ITGA8: variants seen among roughly 807,000 people sequenced by gnomAD.
ITGA8 encodes integrin alpha-8.
ITGA8 carries 91 observed loss-of-function variants against 142.3 expected under a neutral mutation model. That is an observed-to-expected ratio of 0.64 (90% CI 0.54 to 0.76). ITGA8 has a LOEUF of 0.76. ITGA8 is among the 30% of genes least tolerant of loss of function. The pLI is 0.00. For synonymous variants in ITGA8, 505 were observed against 485.2 expected (o/e 1.04, Z -0.54); for missense variants, 1,406 against 1,327.7 (o/e 1.06, Z -0.92).
intron 27 of ITGA8, among the ~76,000 whole-genome samples, chr10:15,533,073 A>C (rs1289203485): frequency 6.6e-6 from 1 of 152,148 alleles, no homozygotes; most frequent in Non-Finnish European, 1.5e-5. Flanking sequence ...AGTTAGTAAA[A>C]ATCTACCAGT....
intron 27 of ITGA8, among the ~76,000 whole-genome samples, chr10:15,532,047 G>C (rs113144097): frequency 1.2e-5 from 1 of 81,838 alleles, no homozygotes; most frequent in Non-Finnish European, 2.4e-5. Context: ...GGGTGGGGGT[G>C]GGGGGGCCTG....
At chr10:15,540,267 A>C (rs1833542558) in intron 27 of ITGA8, among the ~76,000 whole-genome samples, 1 of 152,120 alleles carries the variant, frequency 6.6e-6, no homozygotes, top group Non-Finnish European at 1.5e-5. Context: ...TGTACCCTTT[A>C]ACCAACCTCT....
intron 27 of ITGA8, among the ~76,000 whole-genome samples, chr10:15,538,146 C>A (rs1437984745): frequency 2.0e-5 from 3 of 151,994 alleles, no homozygotes; most frequent in Non-Finnish European, 4.4e-5. Context: ...AAAGCAACAG[C>A]CAATCAATAG....
intron 11 of ITGA8, among the ~76,000 whole-genome samples, chr10:15,650,071 G>T (rs1475969580): frequency 6.6e-6 from 1 of 152,116 alleles, no homozygotes; most frequent in Non-Finnish European, 1.5e-5. Context: ...GCAAATCATG[G>T]TACATCATAT....
At chr10:15,537,973 A>AAAC (rs1833481396) in intron 27 of ITGA8, among the ~76,000 whole-genome samples, 1 of 122,510 alleles carries the variant, frequency 8.2e-6, no homozygotes, top group African/African-American at 5.0e-5. Context: ...AAACAAAACA[A>AAAC]AAAAAAAACA....
intron 28 of ITGA8, among the ~76,000 whole-genome samples, chr10:15,529,381 T>C (rs1489461337): frequency 6.6e-6 from 1 of 152,210 alleles, no homozygotes; most frequent in Non-Finnish European, 1.5e-5. Flanking sequence ...CAGGTGGATG[T>C]GGTGGACTGT....
At chr10:15,597,350 G>T in intron 20 of ITGA8, 51 bp from the exon 21 acceptor site, 1 of 1,466,166 alleles carries the variant, frequency 6.8e-7, no homozygotes, top group Non-Finnish European at 9.6e-7. Flanking sequence ...ATGACATCCT[G>T]ACACAAAAGC....
rs534714654 is a variant in ITGA8, at chr10:15,657,509, C to CTTTTTTTTTT, written c.948+1489_948+1490insAAAAAAAAAA. Among the ~76,000 whole-genome samples, 82 of 116,504 alleles carry CTTTTTTTTTT rather than the reference C, an allele frequency of 7.0e-4. 8 individuals carry two copies. The highest frequency in any genetic ancestry group is 2.4e-3 in the South Asian group (8 of 3,390). The allele number at this position is 116,504 out of a possible 152,430, so 76.4% of individuals were successfully genotyped here. A position where few individuals can be genotyped will look rare whatever the true frequency, so the allele number is the denominator to read the frequency against. Reference sequence around the variant, plus strand: ...CTGCTGGTTTCTTTTTCTTTTCTTTCATTTTTTTTTTTTTTTTTTTTTAAC... The same window carrying CTTTTTTTTTT: ...CTGCTGGTTTCTTTTTCTTTTCTTTCTTTTTTTTTTATTTTTTTTTTTTTTTTTTTTTAAC... On this transcript the variant is annotated intron_variant, in intron 10 of 29. Coordinates refer to ENST00000378076, the MANE Select transcript of ITGA8 (RefSeq NM_003638.3).
At chr10:15,528,357 C>G (rs1156614839) in intron 28 of ITGA8, among the ~76,000 whole-genome samples, 1 of 152,160 alleles carries the variant, frequency 6.6e-6, no homozygotes, top group Non-Finnish European at 1.5e-5. Context: ...GCAGCATTTC[C>G]CTGTGTGCTG....
At chr10:15,530,841 T>G (rs1182814074) in intron 28 of ITGA8, among the ~76,000 whole-genome samples, 2 of 152,218 alleles carry the variant, frequency 1.3e-5, no homozygotes, top group Non-Finnish European at 2.9e-5. Flanking sequence ...GCCCTGTAAT[T>G]TTCTGGGGTA....
chr10:15,561,449 G>T (rs1375227537), intron 25 of ITGA8, among the ~76,000 whole-genome samples: 1 of 151,808 alleles, frequency 6.6e-6, no homozygotes, highest in Non-Finnish European at 1.5e-5. Context: ...ATGTAAAATT[G>T]TAAAAAAAGT....
At chr10:15,592,174 A>G (rs1306393112) in intron 22 of ITGA8, 51 bp downstream of exon 22, 1 of 1,341,206 alleles carries the variant, frequency 7.5e-7, no homozygotes, top group Non-Finnish European at 1.1e-6. Context: ...TTCACTGTGG[A>G]TCTCTTTTCT....
intron 28 of ITGA8, among the ~76,000 whole-genome samples, chr10:15,523,725 C>T (rs1462464717): frequency 7.3e-6 from 1 of 137,242 alleles, no homozygotes; most frequent in Non-Finnish European, 1.5e-5. Flanking sequence ...GCCTGGCCAA[C>T]ATGGTGAAAC....
intron 17 of ITGA8, 122 bp downstream of exon 17, chr10:15,607,555 T>C: frequency 1.1e-6 from 1 of 911,372 alleles, no homozygotes; most frequent in Admixed American, 2.1e-5. Context: ...AGTTTCCTGC[T>C]ATGAAAATGA....
rs181927645 is a variant in ITGA8 at position 15,680,288 on chromosome 10, C to T, written c.569-1505G>A. 2.7e-3 allele frequency among the ~76,000 whole-genome samples: 371 copies of T among 136,068 alleles called. 2 individuals are homozygous for T. The highest frequency in any genetic ancestry group is 9.9e-3 in the African/African-American group (351 of 35,610). The allele number at this position is 136,068 out of a possible 152,430, so 89.3% of individuals were successfully genotyped here. A position where few individuals can be genotyped will look rare whatever the true frequency, so the allele number is the denominator to read the frequency against. On this transcript the variant is annotated intron_variant, in intron 4 of 29. Coordinates refer to ENST00000378076, the MANE Select transcript of ITGA8 (RefSeq NM_003638.3). ...TGTTGCCCAGGCTGGAGTGCAGTGG[C>T]GCGATCTCAGCTCACTACAAGCTCC...
chr10:15,551,474 A>C (rs776328115), intron 26 of ITGA8, among the ~76,000 whole-genome samples: 1 of 152,158 alleles, frequency 6.6e-6, no homozygotes, highest in Non-Finnish European at 1.5e-5. Context: ...AAGAAAGGCA[A>C]GGTGGCTGGA....
At chr10:15,715,746 T>C (rs1835438320) in intron 2 of ITGA8, among the ~76,000 whole-genome samples, 1 of 152,264 alleles carries the variant, frequency 6.6e-6, no homozygotes, top group South Asian at 2.1e-4. Context: ...CATTCTACTT[T>C]GTCCACGAAG....
chr10:15,694,414 C>A (rs1167780257), intron 2 of ITGA8, among the ~76,000 whole-genome samples: 4 of 14,660 alleles, frequency 2.7e-4, no homozygotes, highest in African/African-American at 4.2e-4. Context: ...TATCATATAT[C>A]AGATAATATA....
chr10:15,658,887 C>T lies in ITGA8; in HGVS notation c.948+112G>A, dbSNP rs191108883. ...CCGGTGCCTAGGACAGTTTCCAGTA[C>T]GTAGTAGCTGCTCATTAAATATTTG... On this transcript the variant is annotated intron_variant, in intron 10 of 29. Transcript: ENST00000378076. 1.3e-3 allele frequency: 939 copies of T among 744,534 alleles called. 4 individuals are homozygous for T. Among genetic ancestry groups the T allele is most frequent in the African/African-American group, 0.011 (597 of 54,236 alleles). 46.1% of individuals were successfully genotyped at this position (744,534 alleles called of 1,614,324 possible).
Sources: gnomAD v4.1 joint callset for allele counts (sites outside exome capture counted in the v4.1 genomes callset) on GRCh38, gnomAD v4.1.1 for gene constraint, MANE v1.5 for transcripts, NCBI Gene and HGNC (gene_info 2026-07-23, HGNC 2026-07-21) for gene names.